PAPPA: variants seen among roughly 807,000 people sequenced by gnomAD.
The protein encoded by PAPPA is pappalysin-1.
Under a neutral mutation model 164.0 loss-of-function variants are expected in PAPPA, and 60 were observed. The ratio of observed to expected loss-of-function variants is 0.37; its 90% CI spans 0.30 to 0.45. PAPPA has a LOEUF of 0.45. PAPPA is among the 20% of genes least tolerant of loss of function. The probability of loss-of-function intolerance (pLI) is 1.00; values close to 1 mark genes in which losing one functional copy is unlikely to be tolerated. For missense variants in PAPPA, 1,782 were observed against 2,087.3 expected, an observed-to-expected ratio of 0.85 and a Z score of 2.85; for synonymous variants, 875 against 814.1, an observed-to-expected ratio of 1.07 and a Z score of -1.27.
At chr9:116,349,876 C>T (rs147242413) in intron 15 of PAPPA, among the ~76,000 whole-genome samples, 126 of 152,298 alleles carry the variant, frequency 8.3e-4, no homozygotes, top group Non-Finnish European at 1.5e-3. Context: ...GCCTTCACTT[C>T]GTGTCTTGAG....
At chr9:116,339,621 A>G (rs1360595935) in intron 13 of PAPPA, among the ~76,000 whole-genome samples, 1 of 152,182 alleles carries the variant, frequency 6.6e-6, no homozygotes, top group Non-Finnish European at 1.5e-5. Flanking sequence ...TCTAGTGTGG[A>G]GCACTTGTCT....
At chr9:116,367,547 A>G (rs7020762) in intron 18 of PAPPA, 98 bp from the exon 19 acceptor site, 841,978 of 843,160 alleles carry the variant, frequency 1, 420,406 homozygotes, top group East Asian at 1. Context: ...TGAGTCCACC[A>G]GGGACCAGGG....
At chr9:116,377,304 C>T (rs896312011) in intron 19 of PAPPA, among the ~76,000 whole-genome samples, 1 of 152,090 alleles carries the variant, frequency 6.6e-6, no homozygotes, top group Non-Finnish European at 1.5e-5. Context: ...CCTTTCTGAT[C>T]GTGTCTCTAC....
Position 116,402,186 on chromosome 9 carries a change from A to G in PAPPA, c.*5570A>G, listed in dbSNP as rs1847067833. The G allele has an allele frequency of 6.6e-6, 1 of 152,568 alleles. No homozygotes were observed. The highest frequency in any genetic ancestry group is 1.5e-5 in the Non-Finnish European group (1 of 68,012). The allele number at this position is 152,568 out of a possible 1,614,324, so 9.5% of individuals were successfully genotyped here. A position where few individuals can be genotyped will look rare whatever the true frequency, so the allele number is the denominator to read the frequency against. ...CCTGTTCTCATGGATTTGTTTTCCC[A>G]TACTGTTTTCTCTGATCTCAATTAC... On this transcript the variant is annotated 3_prime_UTR_variant, in exon 22 of 22. Coordinates refer to ENST00000328252, the MANE Select transcript of PAPPA (RefSeq NM_002581.5).
chr9:116,332,559 T>G, intron 12 of PAPPA, 91 bp downstream of exon 12: 1 of 1,156,116 alleles, frequency 8.6e-7, no homozygotes, highest in African/African-American at 1.5e-5. Flanking sequence ...TAGAATGAGC[T>G]CTTCCTTCCT....
intron 7 of PAPPA, among the ~76,000 whole-genome samples, chr9:116,259,315 T>C (rs1587976187): frequency 6.6e-6 from 1 of 151,984 alleles, no homozygotes; most frequent in East Asian, 1.9e-4. Flanking sequence ...TCATGAAGGA[T>C]ACAAAATTCT....
rs1444456733 is a variant in PAPPA at position 116,302,777 on chromosome 9, T to A, written c.2974T>A (p.Phe992Ile). 3 of 1,612,508 alleles carry A rather than the reference T, an allele frequency of 1.9e-6. No individual in the cohort carries two copies. The highest frequency in any genetic ancestry group is 3.3e-5 in the Admixed American group (2 of 59,942). The change falls in exon 10 of 22, where the codon TTC becomes ATC. Residue 992 changes from phenylalanine (F) to isoleucine (I), a missense_variant. Physicochemically the swap from Phe to Ile is conservative, Grantham distance 21. Around this residue, in one of 2 missense-constraint regions of PAPPA, gnomAD observed 1,324 missense variants for 1,656.9 expected, o/e 0.80. Transcript: ENST00000328252. ...NCIDEPSRCY[F>I]HDGDGVCEEF... ...TGCAGATGAACCCAGCCGGTGCTATTTCCATGATGGTGATGGGGTATGTGA... is the reference window on the plus strand; with the variant it reads ...TGCAGATGAACCCAGCCGGTGCTATATCCATGATGGTGATGGGGTATGTGA...
intron 9 of PAPPA, among the ~76,000 whole-genome samples, chr9:116,292,922 A>G (rs566976425): frequency 1.3e-5 from 2 of 152,184 alleles, no homozygotes. Flanking sequence ...GACAACTAGG[A>G]TGACATGATG....
chr9:116,189,718 A>G (rs531316035), intron 2 of PAPPA, among the ~76,000 whole-genome samples: 12 of 152,324 alleles, frequency 7.9e-5, no homozygotes, highest in African/African-American at 2.6e-4. Context: ...GAACTTTTCT[A>G]TTCTGTCCAA....
At chr9:116,381,596 G>A (rs1846732670) in intron 20 of PAPPA, among the ~76,000 whole-genome samples, 1 of 152,146 alleles carries the variant, frequency 6.6e-6, no homozygotes, top group South Asian at 2.1e-4. Flanking sequence ...GTGTCCTGGG[G>A]TGGAGAAACA....
At chr9:116,292,275 T>G (rs1451873904) in intron 9 of PAPPA, among the ~76,000 whole-genome samples, 1 of 152,142 alleles carries the variant, frequency 6.6e-6, no homozygotes, top group Non-Finnish European at 1.5e-5. Flanking sequence ...GTAGTTTACG[T>G]TTTTAGAAGA....
Position 116,235,167 on chromosome 9 carries a change from G to A in PAPPA, c.2262G>A (p.Lys754=). The change falls in exon 7 of 22, where the codon AAG becomes AAA. Residue 754 remains lysine, a synonymous_variant. Coordinates refer to ENST00000328252, the MANE Select transcript of PAPPA (RefSeq NM_002581.5). ...EGHPDVEQPC[K]SSVRTWSPNS... ...ATCCTGATGTTGAACAGCCCTGTAA[G>A]TCCAGTGTCCGCACCTGGAGCCCAA... 4 of 1,614,116 alleles carry A rather than the reference G, an allele frequency of 2.5e-6. No individual in the cohort carries two copies. The highest frequency in any genetic ancestry group is 3.4e-6 in the Non-Finnish European group (4 of 1,179,996).
chr9:116,334,863 C>T lies in PAPPA; in HGVS notation c.3400C>T (p.Leu1134Phe). The change falls in exon 13 of 22, where the codon CTC becomes TTC. Residue 1134 changes from leucine (L) to phenylalanine (F), a missense_variant and splice_region_variant. Leu to Phe is a conservative substitution (Grantham distance 22, BLOSUM62 0). Around this residue, in one of 2 missense-constraint regions of PAPPA, gnomAD observed 1,324 missense variants for 1,656.9 expected, o/e 0.80. Transcript: ENST00000328252. ...GGCCCCTCTGTCTCCCCTGACAGGC[C>T]TCCATGTCCTGAGCTGCAGGAACAA... ...DTKDQSHDLG[L>F]HVLSCRNNPL... The T allele has an allele frequency of 6.2e-7, 1 of 1,613,480 alleles. No individual in the cohort carries two copies. The highest frequency in any genetic ancestry group is 8.5e-7 in the Non-Finnish European group (1 of 1,179,404).
intron 10 of PAPPA, among the ~76,000 whole-genome samples, chr9:116,307,328 G>A (rs1294863713): frequency 2.0e-5 from 3 of 152,136 alleles, no homozygotes; most frequent in African/African-American, 4.8e-5. Context: ...GGCCGGGCAC[G>A]GTGGCTCACG....
intron 1 of PAPPA, among the ~76,000 whole-genome samples, chr9:116,178,739 A>T (rs1262505558): frequency 1.3e-5 from 2 of 152,238 alleles, no homozygotes; most frequent in African/African-American, 4.8e-5. Flanking sequence ...CAACTGTCAG[A>T]GGAAGATGTA....
intron 8 of PAPPA, among the ~76,000 whole-genome samples, chr9:116,268,704 GT>G (rs995538167): frequency 7.6e-5 from 9 of 117,832 alleles, no homozygotes; most frequent in East Asian, 3.0e-4. Flanking sequence ...ACTTAATACA[GT>G]TTTTTTTTAG....
intron 9 of PAPPA, among the ~76,000 whole-genome samples, chr9:116,297,359 G>A (rs762259242): frequency 3.3e-5 from 5 of 152,152 alleles, no homozygotes; most frequent in South Asian, 2.1e-4. Context: ...TCTGTTCAAC[G>A]TTTTGAAACT....
intron 1 of PAPPA, among the ~76,000 whole-genome samples, chr9:116,167,452 C>T (rs1445356459): frequency 2.0e-5 from 3 of 152,146 alleles, no homozygotes; most frequent in Non-Finnish European, 1.5e-5. Flanking sequence ...GCAGAGGCTA[C>T]AGATAAGGAG....
intron 5 of PAPPA, among the ~76,000 whole-genome samples, chr9:116,224,698 G>T (rs1214786319): frequency 6.6e-6 from 1 of 152,140 alleles, no homozygotes; most frequent in Non-Finnish European, 1.5e-5. Context: ...TGACTGGTGT[G>T]ACTGAAGAAT....
Sources: allele counts gnomAD v4.1 joint callset (sites outside exome capture counted in the v4.1 genomes callset), GRCh38; gene constraint gnomAD v4.1.1; regional missense constraint gnomAD v4.1.1; transcripts MANE v1.5; gene names NCBI Gene and HGNC (gene_info 2026-07-23, HGNC 2026-07-21).